GSAP: variants seen among roughly 807,000 people sequenced by gnomAD.
GSAP encodes gamma-secretase activating protein, also known as gamma-secretase-activating protein.
Under a neutral mutation model 131.7 loss-of-function variants are expected in GSAP, and 118 were observed. The ratio of observed to expected loss-of-function variants is 0.90; its 90% CI spans 0.77 to 1.04. The LOEUF is 1.04. GSAP is among the 50% of genes least tolerant of loss of function. The pLI is 0.00. For synonymous variants in GSAP, 381 were observed against 363.4 expected, an observed-to-expected ratio of 1.05 and a Z score of -0.55; for missense variants, 1,019 against 1,013.2, an observed-to-expected ratio of 1.01 and a Z score of -0.08.
intron 1 of GSAP, among the ~76,000 whole-genome samples, chr7:77,408,139 A>G (rs529042738): frequency 2.9e-4 from 44 of 152,344 alleles, no homozygotes; most frequent in Non-Finnish European, 5.4e-4. Flanking sequence ...TCTTAGTTGC[A>G]TAAGTGTGTT....
intron 9 of GSAP, 56 bp downstream of exon 9, chr7:77,377,230 A>AT: frequency 8.1e-7 from 1 of 1,236,382 alleles, no homozygotes; most frequent in Admixed American, 3.4e-5. Context: ...AAAAATTAAT[A>AT]TTTTTGTAAA....
At chr7:77,352,045 C>G (rs1205733434) in intron 18 of GSAP, among the ~76,000 whole-genome samples, 2 of 152,276 alleles carry the variant, frequency 1.3e-5, no homozygotes, top group Non-Finnish European at 2.9e-5. Context: ...ATAACCACGA[C>G]AGTAAAAGAC....
intron 12 of GSAP, among the ~76,000 whole-genome samples, chr7:77,367,341 T>C (rs1795475284): frequency 6.6e-6 from 1 of 152,244 alleles, no homozygotes; most frequent in South Asian, 2.1e-4. Context: ...ATGTTGGCTA[T>C]GGGTTTGTCA....
chr7:77,392,540 A>G (rs1463493077), intron 5 of GSAP, among the ~76,000 whole-genome samples: 1 of 152,090 alleles, frequency 6.6e-6, no homozygotes, highest in African/African-American at 2.4e-5. Context: ...AGAGCAAGGC[A>G]CTGTCTCAAA....
rs1337497630 is a variant in GSAP at position 77,365,059 on chromosome 7, C to G, written c.872-2399G>C. Among the ~76,000 whole-genome samples, 5 of 152,276 alleles carry G rather than the reference C, an allele frequency of 3.3e-5. No homozygotes were observed. The East Asian group carries it at 9.7e-4, about 29-fold the overall frequency. ...CACTGTAGCCTTAACCTCCCAGGCT[C>G]AAACAATCCTCCCACTTCAGCCTTC... On this transcript the variant is annotated intron_variant, in intron 12 of 30. Coordinates refer to ENST00000257626, the MANE Select transcript of GSAP (RefSeq NM_017439.4).
At chr7:77,411,579 G>A (rs186752015) in intron 1 of GSAP, among the ~76,000 whole-genome samples, 132 of 152,242 alleles carry the variant, frequency 8.7e-4, no homozygotes, top group African/African-American at 2.8e-3. Flanking sequence ...GAACCTTCAT[G>A]GAGAAAATTC....
At chr7:77,385,086 T>A (rs938301661) in intron 6 of GSAP, among the ~76,000 whole-genome samples, 5 of 149,934 alleles carry the variant, frequency 3.3e-5, no homozygotes, top group African/African-American at 9.9e-5. Flanking sequence ...CAGGCTGGAG[T>A]GCAATGGCAC....
intron 25 of GSAP, 38 bp from the exon 26 acceptor site, chr7:77,320,857 G>A (rs1787545147): frequency 3.2e-6 from 4 of 1,265,006 alleles, no homozygotes; most frequent in Non-Finnish European, 4.6e-6. Flanking sequence ...CAGCCAAGGA[G>A]CTCATCTGTG....
chr7:77,379,778 G>T, intron 8 of GSAP: 2 of 652,288 alleles, frequency 3.1e-6, no homozygotes, highest in Non-Finnish European at 1.9e-6. Context: ...GCTCCCATCC[G>T]TCTGTCCTTG....
chr7:77,314,290 C>T lies in GSAP; in HGVS notation c.2209+80G>A, dbSNP rs558961566. The T allele has an allele frequency of 2.0e-5, 30 of 1,500,132 alleles. No individual in the cohort carries two copies. In the East Asian group the frequency reaches 4.8e-4, roughly 24 times the overall value. The allele number at this position is 1,500,132 out of a possible 1,614,324, so 92.9% of individuals were successfully genotyped here. On this transcript the variant is annotated intron_variant, in intron 27 of 30. Transcript: ENST00000257626. ...AGTGCAGCCAGGCTCTTGGTGACTG[C>T]ACAGGTTGCACACCCAAGAAGCTAG...
At chr7:77,415,234 A>G (rs1256777479) in intron 1 of GSAP, among the ~76,000 whole-genome samples, 2 of 152,228 alleles carry the variant, frequency 1.3e-5, no homozygotes, top group African/African-American at 4.8e-5. Flanking sequence ...GCAACTTGAT[A>G]TATAACTCAC....
chr7:77,401,454 G>A (rs761788842), intron 3 of GSAP, among the ~76,000 whole-genome samples: 2 of 152,120 alleles, frequency 1.3e-5, no homozygotes, highest in South Asian at 2.1e-4. Flanking sequence ...TTTTTCAAGA[G>A]AGGAACAAAA....
chr7:77,395,489 T>C (rs1178114435), intron 5 of GSAP, among the ~76,000 whole-genome samples: 2 of 152,172 alleles, frequency 1.3e-5, no homozygotes, highest in Non-Finnish European at 2.9e-5. Context: ...AAGCAAGCCC[T>C]GCACTTAATT....
At chr7:77,325,274 C>G (rs1788169601) in intron 23 of GSAP, among the ~76,000 whole-genome samples, 1 of 152,024 alleles carries the variant, frequency 6.6e-6, no homozygotes, top group Non-Finnish European at 1.5e-5. Context: ...TCAAACCTTA[C>G]CATAGAAATT....
At chr7:77,360,691 A>G in intron 14 of GSAP, 133 bp downstream of exon 14, 1 of 581,938 alleles carries the variant, frequency 1.7e-6, no homozygotes, top group Non-Finnish European at 3.2e-6. Context: ...ATCAGATTTC[A>G]AGTGGGTCAT....
intron 3 of GSAP, among the ~76,000 whole-genome samples, chr7:77,400,525 G>A (rs1219128963): frequency 6.6e-6 from 1 of 152,132 alleles, no homozygotes; most frequent in Non-Finnish European, 1.5e-5. Flanking sequence ...TGTCCAAGTA[G>A]GCCAAGTGGG....
chr7:77,390,019 T>C (rs1041858271), intron 5 of GSAP, among the ~76,000 whole-genome samples: 2 of 152,262 alleles, frequency 1.3e-5, no homozygotes, highest in East Asian at 3.8e-4. Context: ...TTGATTTGCA[T>C]GTCTCTGATG....
chr7:77,344,732 C>T (rs1398855570), intron 19 of GSAP, among the ~76,000 whole-genome samples: 2 of 152,128 alleles, frequency 1.3e-5, no homozygotes, highest in African/African-American at 2.4e-5. Flanking sequence ...TTCACCCTGA[C>T]GAAGTCCTAT....
At chr7:77,342,850 A>C (rs1341290803) in intron 19 of GSAP, among the ~76,000 whole-genome samples, 1 of 152,060 alleles carries the variant, frequency 6.6e-6, no homozygotes, top group East Asian at 1.9e-4. Flanking sequence ...TATCAACCAA[A>C]TTGTTTTGCC....
Sources: gnomAD v4.1 joint callset for allele counts (sites outside exome capture counted in the v4.1 genomes callset) on GRCh38, gnomAD v4.1.1 for gene constraint, MANE v1.5 for transcripts, NCBI Gene and HGNC (gene_info 2026-07-23, HGNC 2026-07-21) for gene names.